The following SULT1E1 variants were observed in gnomAD, a reference collection of about 807,000 sequenced individuals.
SULT1E1 encodes sulfotransferase 1E1.
SULT1E1 carries 36 observed loss-of-function variants against 33.6 expected under a neutral mutation model. The observed-to-expected ratio is 1.07, with a 90% CI of 0.82 to 1.41. The LOEUF (loss-of-function observed/expected upper bound fraction) is 1.41. Among genes scored for constraint, SULT1E1 ranks in the 40% most tolerant of loss-of-function variants. SULT1E1 has a pLI of 0.00. For missense variants in SULT1E1, 371 were observed against 345.7 expected, an observed-to-expected ratio of 1.07 and a Z score of -0.58; for synonymous variants, 121 against 111.7, an observed-to-expected ratio of 1.08 and a Z score of -0.53.
chr4:69,830,887 A>C, the SULT1E1 span, among the ~76,000 whole-genome samples: 36 of 152,324 alleles, frequency 2.4e-4, no homozygotes, highest in Non-Finnish European at 4.1e-4. Flanking sequence ...GTGATTGAAA[A>C]GAGCTGGTAA....
At chr4:69,850,212 G>A (rs1338052546) in intron 4 of SULT1E1, among the ~76,000 whole-genome samples, 1 of 152,050 alleles carries the variant, frequency 6.6e-6, no homozygotes, top group African/African-American at 2.4e-5. Context: ...AAACAGTACA[G>A]TAATTTTTGA....
rs1578102063 is a variant in SULT1E1 at position 69,844,469 on chromosome 4, T to C, written c.592-128A>G. 8.6e-6 allele frequency: 6 copies of C among 701,200 alleles called. No individual in the cohort carries two copies. In the East Asian group the frequency reaches 1.8e-4, roughly 21 times the overall value. 43.4% of individuals were successfully genotyped at this position (701,200 alleles called of 1,614,324 possible). On this transcript the variant is annotated intron_variant, in intron 6 of 7. Coordinates refer to ENST00000226444, the MANE Select transcript of SULT1E1 (RefSeq NM_005420.3). ...TTAGAATTAGATTTCTAATGAGAAA[T>C]CTAATTGGGGGAATTTTATAAAAGC...
At chr4:69,837,214 T>C (rs908556075), downstream of SULT1E1, among the ~76,000 whole-genome samples, 5 of 152,224 alleles carry the variant, frequency 3.3e-5, no homozygotes, top group Non-Finnish European at 4.4e-5. Context: ...ATAATTTGTG[T>C]ACATTGTATA....
In SULT1E1 at chr4:69,853,407, C is replaced by T. The variant is rs957281912; in HGVS notation, c.369+810G>A. On this transcript the variant is annotated intron_variant, in intron 4 of 7. Coordinates refer to ENST00000226444, the MANE Select transcript of SULT1E1 (RefSeq NM_005420.3). The stretch of plus-strand genomic sequence containing the variant: ...TTGACTTTCAATATTTCTTATAATC[C>T]GTTCCTAGCTAATCTGCCTTTACTT... Among the ~76,000 whole-genome samples the T allele has an allele frequency of 9.2e-5, 14 of 152,210 alleles. No homozygotes were observed. The East Asian group carries it at 2.3e-3, about 25-fold the overall frequency.
At chr4:69,854,556 T>C (rs1207177545) in intron 3 of SULT1E1, among the ~76,000 whole-genome samples, 2 of 151,976 alleles carry the variant, frequency 1.3e-5, no homozygotes, top group South Asian at 2.1e-4. Context: ...ATCTAATATA[T>C]ATTCACAAAA....
At chr4:69,832,686 C>G in the SULT1E1 span, among the ~76,000 whole-genome samples, 2 of 152,160 alleles carry the variant, frequency 1.3e-5, no homozygotes, top group African/African-American at 2.4e-5. Flanking sequence ...GCGACCCCCC[C>G]ACCATGGCGT....
At chr4:69,837,816 C>T (rs1436023701), downstream of SULT1E1, among the ~76,000 whole-genome samples, 4 of 152,276 alleles carry the variant, frequency 2.6e-5, no homozygotes, top group Non-Finnish European at 4.4e-5. Context: ...CAGGTGAAAG[C>T]CACTGCTCCT....
chr4:69,855,399 T>C lies in SULT1E1; in HGVS notation c.173A>G (p.Tyr58Cys). The C allele has an allele frequency of 6.2e-7, 1 of 1,612,340 alleles. No homozygotes were observed. The highest frequency in any genetic ancestry group is 8.5e-7 in the Non-Finnish European group (1 of 1,179,092). ...SGTTWVSEIV[Y>C]MIYKEGDVEK... ...CACATCACCCTCTTTATAGATCATATACACAATTTCACTAACCCAGGTTGT... is the reference window on the plus strand; with the variant it reads ...CACATCACCCTCTTTATAGATCATACACACAATTTCACTAACCCAGGTTGT... Residue 58 changes from tyrosine to cysteine, a missense_variant, in exon 3 of 8, where the codon TAT becomes TGT. By Grantham distance (194) the Tyr-to-Cys change is radical. Coordinates refer to ENST00000226444, the MANE Select transcript of SULT1E1 (RefSeq NM_005420.3).
At chr4:69,849,101 C>T (rs958412002) in intron 5 of SULT1E1, 6 of 174,228 alleles carry the variant, frequency 3.4e-5, no homozygotes, top group South Asian at 2.6e-4. Flanking sequence ...TGTAATAATA[C>T]GGTGTAAAAC....
chr4:69,832,027 C>G, the SULT1E1 span, among the ~76,000 whole-genome samples: 117,983 of 152,116 alleles, frequency 0.78, 46,699 homozygotes, highest in Non-Finnish European at 0.85. Flanking sequence ...ATCTGAATTG[C>G]AGAGCCACTC....
the SULT1E1 span, among the ~76,000 whole-genome samples, chr4:69,832,083 G>A: frequency 2.0e-5 from 3 of 152,214 alleles, no homozygotes; most frequent in Non-Finnish European, 4.4e-5. Context: ...TACCTCGGGA[G>A]GTGATCAAGC....
At chr4:69,850,649 G>A (rs529971537) in intron 4 of SULT1E1, among the ~76,000 whole-genome samples, 7 of 152,054 alleles carry the variant, frequency 4.6e-5, no homozygotes, top group African/African-American at 1.7e-4. Context: ...TTAGCTGAAT[G>A]GAACCCTTTG....
chr4:69,844,261 A>T lies in SULT1E1; in HGVS notation c.672T>A (p.His224Gln). 6.2e-7 allele frequency: 1 copy of T among 1,613,860 alleles called. No individual in the cohort carries two copies. The highest frequency in any genetic ancestry group is 8.5e-7 in the Non-Finnish European group (1 of 1,179,800). ...PSEELVDRII[H>Q]HTSFQEMKNN... ...TCTTCATCTCTTGGAACGAAGTATG[A>T]TGTATAATCCTGTCCACAAGCTCCT... Residue 224 changes from histidine (H) to glutamine (Q), a missense_variant, in exon 7 of 8, where the codon CAT becomes CAA. Transcript: ENST00000226444.
the SULT1E1 span, among the ~76,000 whole-genome samples, chr4:69,828,851 C>G: frequency 6.6e-6 from 1 of 152,146 alleles, no homozygotes; most frequent in South Asian, 2.1e-4. Context: ...GCAGGAGTCC[C>G]CTGATAGCAG....
chr4:69,838,741 T>C (rs1452278383), downstream of SULT1E1, among the ~76,000 whole-genome samples: 1 of 152,116 alleles, frequency 6.6e-6, no homozygotes, highest in East Asian at 1.9e-4. Context: ...GAGCAGGACA[T>C]AGAAGGTGAT....
chr4:69,821,652 C>A, the SULT1E1 span, among the ~76,000 whole-genome samples: 1 of 152,198 alleles, frequency 6.6e-6, no homozygotes, highest in African/African-American at 2.4e-5. Flanking sequence ...TCTCTAAACT[C>A]CAATCCTTAG....
At chr4:69,826,584 C>T in the SULT1E1 span, among the ~76,000 whole-genome samples, 2 of 152,022 alleles carry the variant, frequency 1.3e-5, no homozygotes. Flanking sequence ...ACTCAAGCAC[C>T]AACAGGCTCA....
intron 6 of SULT1E1, among the ~76,000 whole-genome samples, chr4:69,846,249 T>G (rs1156706193): frequency 6.7e-6 from 1 of 148,290 alleles, no homozygotes; most frequent in Admixed American, 6.7e-5. Flanking sequence ...TTTCTTAGTT[T>G]TTTTTTCTTT....
chr4:69,839,799 C>T (rs1269879684), downstream of SULT1E1, among the ~76,000 whole-genome samples: 4 of 152,074 alleles, frequency 2.6e-5, no homozygotes, highest in African/African-American at 7.2e-5. Context: ...GAAGTTTCTA[C>T]GTGAAATTGA....
Sources: gnomAD v4.1 joint callset for allele counts (sites outside exome capture counted in the v4.1 genomes callset) on GRCh38, gnomAD v4.1.1 for gene constraint, MANE v1.5 for transcripts, NCBI Gene and HGNC (gene_info 2026-07-23, HGNC 2026-07-21) for gene names.